The following WWOX variants were observed in gnomAD, a reference collection of about 807,000 sequenced individuals.
WWOX encodes WW domain-containing oxidoreductase.
A neutral mutation model predicts 46.2 loss-of-function variants in WWOX; 69 were observed. The ratio of observed to expected loss-of-function variants is 1.49; its 90% CI spans 1.23 to 1.82. The LOEUF is 1.82. Ranked by LOEUF, WWOX falls within the 40% of genes most tolerant of loss-of-function variation. The pLI, the probability that WWOX is intolerant of heterozygous loss-of-function variation, is 0.00. For missense variants in WWOX, 919 were observed against 542.6 expected, an observed-to-expected ratio of 1.69 and a Z score of -6.89; for synonymous variants, 359 against 202.6, an observed-to-expected ratio of 1.77 and a Z score of -6.56.
chr16:78,356,249 T>C (rs2081288085), intron 5 of WWOX, among the ~76,000 whole-genome samples: 1 of 152,054 alleles, frequency 6.6e-6, no homozygotes, highest in Non-Finnish European at 1.5e-5. Context: ...ATATATAAAA[T>C]ATATGTATCA....
chr16:78,899,034 C>T (rs1261340095), intron 8 of WWOX: 1 of 152,066 alleles, frequency 6.6e-6, no homozygotes, highest in African/African-American at 2.4e-5. Context: ...TTCTCTACAT[C>T]TCTGAATATA....
intron 8 of WWOX, among the ~76,000 whole-genome samples, chr16:78,572,623 A>T (rs2044745709): frequency 6.6e-6 from 1 of 151,508 alleles, no homozygotes; most frequent in Non-Finnish European, 1.5e-5. Context: ...AAAAAAAAAA[A>T]AAAGCATTTA....
At chr16:78,688,986 C>G (rs913442828) in intron 8 of WWOX, among the ~76,000 whole-genome samples, 3 of 152,142 alleles carry the variant, frequency 2.0e-5, no homozygotes, top group Non-Finnish European at 4.4e-5. Flanking sequence ...TTCCCTTCCA[C>G]CATGATTGTA....
At chr16:78,740,280 C>G (rs539554505) in intron 8 of WWOX, among the ~76,000 whole-genome samples, 1 of 152,200 alleles carries the variant, frequency 6.6e-6, no homozygotes, top group Non-Finnish European at 1.5e-5. Flanking sequence ...CGGCTGCCTG[C>G]ACTGTCCTCT....
intron 8 of WWOX, among the ~76,000 whole-genome samples, chr16:78,706,058 G>GTTTTTTTTTTTTT (rs3051058): frequency 9.4e-6 from 1 of 106,428 alleles, no homozygotes; most frequent in Non-Finnish European, 1.8e-5. Flanking sequence ...GTTATGGCAG[G>GTTTTTTTTTTTTT]TTTTTTTTTT....
intron 8 of WWOX, among the ~76,000 whole-genome samples, chr16:79,032,346 TATATA>T (rs970377220): frequency 1.4e-5 from 2 of 146,416 alleles, no homozygotes; most frequent in African/African-American, 2.5e-5. Context: ...ATGTATGTAA[TATATA>T]ATATATTCTA....
chr16:79,168,725 A>G (rs1048372917), intron 8 of WWOX, among the ~76,000 whole-genome samples: 1 of 152,134 alleles, frequency 6.6e-6, no homozygotes, highest in African/African-American at 2.4e-5. Flanking sequence ...AAAGCTGGGC[A>G]AGGGGGAGGG....
intron 8 of WWOX, among the ~76,000 whole-genome samples, chr16:79,046,699 T>A (rs1284751818): frequency 6.6e-6 from 1 of 152,142 alleles, no homozygotes; most frequent in Non-Finnish European, 1.5e-5. Flanking sequence ...GAACCGACTC[T>A]GGTAGATTCT....
intron 5 of WWOX, among the ~76,000 whole-genome samples, chr16:78,175,763 G>C (rs2035323766): frequency 6.6e-6 from 1 of 152,194 alleles, no homozygotes; most frequent in Non-Finnish European, 1.5e-5. Flanking sequence ...GATACCAAAT[G>C]GTTACTGTTT....
chr16:79,200,583 G>A (rs544608439), intron 8 of WWOX, among the ~76,000 whole-genome samples: 3 of 152,096 alleles, frequency 2.0e-5, no homozygotes, highest in Non-Finnish European at 4.4e-5. Context: ...ATAACAGGTC[G>A]TTGGCACCTA....
chr16:78,382,350 A>G (rs1432607669), intron 5 of WWOX, among the ~76,000 whole-genome samples: 1 of 152,230 alleles, frequency 6.6e-6, no homozygotes, highest in Non-Finnish European at 1.5e-5. Context: ...TGCCTTCCAC[A>G]TGCCGTAGAG....
At chr16:78,261,522 T>C (rs1484271144) in intron 5 of WWOX, among the ~76,000 whole-genome samples, 1 of 150,772 alleles carries the variant, frequency 6.6e-6, no homozygotes, top group African/African-American at 2.4e-5. Flanking sequence ...CAGATTTTTT[T>C]TTAGTTTTGT....
intron 8 of WWOX, among the ~76,000 whole-genome samples, chr16:78,624,365 C>G (rs2046261204): frequency 1.3e-5 from 2 of 152,004 alleles, no homozygotes; most frequent in African/African-American, 4.8e-5. Flanking sequence ...TCTGGATGTT[C>G]CTTTTATTGT....
chr16:79,030,476 A>G (rs943611248), intron 8 of WWOX, among the ~76,000 whole-genome samples: 10 of 152,264 alleles, frequency 6.6e-5, no homozygotes, highest in African/African-American at 2.4e-4. Context: ...ATTAGCAGTG[A>G]TGGCTTAAGG....
intron 4 of WWOX, among the ~76,000 whole-genome samples, chr16:78,118,334 G>T (rs1393680741): frequency 1.3e-5 from 2 of 152,104 alleles, no homozygotes; most frequent in Admixed American, 6.5e-5. Flanking sequence ...ACAGATAAAA[G>T]GATTTGGAGG....
intron 8 of WWOX, among the ~76,000 whole-genome samples, chr16:78,726,115 G>GCCTCCCTCTCTC (rs1555524245): frequency 9.7e-5 from 12 of 123,560 alleles, no homozygotes; most frequent in South Asian, 3.1e-4. Flanking sequence ...CTCCCTCTCT[G>GCCTCCCTCTCTC]CCTCCCTCTC....
intron 8 of WWOX, among the ~76,000 whole-genome samples, chr16:78,995,589 AAG>A (rs939462411): frequency 6.6e-6 from 1 of 151,946 alleles, no homozygotes; most frequent in African/African-American, 2.4e-5. Flanking sequence ...AAGAAAAAGA[AAG>A]AGAGAAAGAG....
chr16:78,577,927 C>T (rs1038972564), intron 8 of WWOX, among the ~76,000 whole-genome samples: 1 of 151,934 alleles, frequency 6.6e-6, no homozygotes, highest in African/African-American at 2.4e-5. Context: ...TCAGTTGTAC[C>T]CTTGTGGCCA....
At chr16:78,186,392 C>G (rs542158556) in intron 5 of WWOX, among the ~76,000 whole-genome samples, 1 of 152,176 alleles carries the variant, frequency 6.6e-6, no homozygotes, top group African/African-American at 2.4e-5. Context: ...TGCTAGAACT[C>G]ACAGTTTAAC....
Sources: allele counts gnomAD v4.1 joint callset (sites outside exome capture counted in the v4.1 genomes callset), GRCh38; gene constraint gnomAD v4.1.1; transcripts MANE v1.5; gene names NCBI Gene and HGNC (gene_info 2026-07-23, HGNC 2026-07-21).